Variants in NUP88 observed in about 807,000 individuals in gnomAD.
NUP88 encodes nucleoporin 88.
Under a neutral mutation model 93.9 loss-of-function variants are expected in NUP88, and 57 were observed. The observed-to-expected ratio is 0.61, with a 90% CI of 0.49 to 0.76. NUP88 has a LOEUF of 0.76. Ranked by LOEUF, NUP88 falls within the 30% of genes least tolerant of loss-of-function variation. NUP88 has a pLI of 0.00. For missense variants in NUP88, 911 were observed against 901.0 expected (o/e 1.01, Z -0.14); for synonymous variants, 346 against 336.8 (o/e 1.03, Z -0.30).
At position 5,387,091 on chromosome 17, in the gene NUP88, T is replaced by C. The variant is rs577225211; in HGVS notation, c.1936A>G (p.Ser646Gly). 15 of 1,613,766 alleles carry C rather than the reference T, an allele frequency of 9.3e-6. 1 individual carries two copies. Among genetic ancestry groups the C allele is most frequent in the Middle Eastern group, 3.3e-4 (2 of 6,060 alleles). The change falls in exon 15 of 17, where the codon AGT (serine) becomes GGT (glycine). Residue 646 changes from serine to glycine, a missense_variant. Physicochemically the swap from Ser to Gly is moderately conservative, Grantham distance 56 (BLOSUM62 0). Transcript: ENST00000573584. ...AGAACTGGGAGCTCAGAGTGAAAACTGTGAAGTAGTTTTTTCATCCTTTAG... is the reference window on the plus strand; with the variant it reads ...AGAACTGGGAGCTCAGAGTGAAAACCGTGAAGTAGTTTTTTCATCCTTTAG... The part of the protein sequence containing the change: ...IMNRMKKLLH[S>G]FHSELPVLSD...
At chr17:5,417,066 C>T (rs1040928959) in intron 1 of NUP88, among the ~76,000 whole-genome samples, 6 of 152,110 alleles carry the variant, frequency 3.9e-5, no homozygotes, top group African/African-American at 1.4e-4. Flanking sequence ...CCCGTGCTCA[C>T]AAGATCCACC....
In NUP88 at chr17:5,388,844, C is replaced by T; in HGVS notation, c.1601G>A (p.Arg534Lys). 2 of 1,614,066 alleles carry T rather than the reference C, an allele frequency of 1.2e-6. No individual in the cohort carries two copies. The highest frequency in any genetic ancestry group is 1.7e-6 in the Non-Finnish European group (2 of 1,179,984). Residue 534 changes from arginine (R) to lysine (K), a missense_variant, in exon 11 of 17, where the codon AGA (arginine) becomes AAA (lysine). Arg to Lys is a conservative substitution (Grantham distance 26, BLOSUM62 2). Coordinates refer to ENST00000573584, the MANE Select transcript of NUP88 (RefSeq NM_002532.6). ...GGCAACACTACGTTGCAAAATGCTTCTAATATGCTTTTCAAAGGAATCTGG... is the reference window on the plus strand; with the variant it reads ...GGCAACACTACGTTGCAAAATGCTTTTAATATGCTTTTCAAAGGAATCTGG... ...ETPDSFEKHI[R>K]SILQRSVANP...
At position 5,388,912 on chromosome 17, in the gene NUP88, ATCT is replaced by A. The variant is rs757638590; in HGVS notation, c.1530_1532del (p.Glu510del). The A allele has an allele frequency of 3.1e-6, 5 of 1,613,842 alleles. No homozygotes were observed. The highest frequency in any genetic ancestry group is 1.7e-5 in the Admixed American group (1 of 59,950). On this transcript the variant is annotated inframe_deletion, in exon 11 of 17. Coordinates refer to ENST00000573584, the MANE Select transcript of NUP88 (RefSeq NM_002532.6). ...GGAGGGGAGACTCTGCCACTTCAACATCTTCTCGAGTACAAAGCAGGGGAGGAG... is the reference window on the plus strand; with the variant it reads ...GGAGGGGAGACTCTGCCACTTCAACATCTCGAGTACAAAGCAGGGGAGGAG...
rs144295346 is a variant in NUP88 at position 5,404,147 on chromosome 17, C to T, written c.1144G>A (p.Asp382Asn). Residue 382 changes from aspartate (D) to asparagine (N), a missense_variant, in exon 7 of 17, where the codon GAT (aspartate) becomes AAT (asparagine). Physicochemically the swap from Asp to Asn is conservative, Grantham distance 23 (BLOSUM62 1). Transcript: ENST00000573584. ...ELALKLASGE[D>N]DPFDSDFSCP... ...GAAAAGTCAGAATCAAAAGGGTCAT[C>T]CTCTCCAGATGCCAGTTTCAAAGCA... 19 of 1,614,090 alleles carry T rather than the reference C, an allele frequency of 1.2e-5. No individual in the cohort carries two copies. The highest frequency in any genetic ancestry group is 1.6e-4 in the Middle Eastern group (1 of 6,062).
At position 5,419,518 on chromosome 17, in the gene NUP88, A is replaced by G. The variant is rs1914467981; in HGVS notation, c.133T>C (p.Ser45Pro). ...SPTEAEKPASSSLPSSPPPQL... is the reference protein window; with the variant it reads ...SPTEAEKPASPSLPSSPPPQL... ...GGCGGCGGCGACGAAGGCAACGACG[A>G]AGAAGCTGGTTTCTCAGCTTCGGTT... The change falls in exon 1 of 17, where the codon TCG becomes CCG. Residue 45 changes from serine (S) to proline (P), a missense_variant. Physicochemically the swap from Ser to Pro is moderately conservative, Grantham distance 74 (BLOSUM62 -1). Coordinates refer to ENST00000573584, the MANE Select transcript of NUP88 (RefSeq NM_002532.6). 1 of 1,613,866 alleles carries G rather than the reference A, an allele frequency of 6.2e-7. No homozygotes were observed. The highest frequency in any genetic ancestry group is 1.7e-5 in the Admixed American group (1 of 60,012).
Position 5,393,973 on chromosome 17 carries a change from C to T in NUP88, c.1382+918G>A, listed in dbSNP as rs116775927. Among the ~76,000 whole-genome samples the T allele has an allele frequency of 6.3e-3, 952 of 152,226 alleles. 7 individuals carry two copies. Among genetic ancestry groups the T allele is most frequent in the African/African-American group, 0.022 (895 of 41,542 alleles). On this transcript the variant is annotated intron_variant, in intron 9 of 16. Transcript: ENST00000573584. ...CCTTCCAGGTTTCTACTGGGGATAA[C>T]TGGGGTGATATGGCACCCTTCAGAA... is the stretch of plus-strand genomic sequence containing the variant.
chr17:5,391,657 G>A lies in NUP88; in HGVS notation c.1388C>T (p.Pro463Leu). Residue 463 changes from proline to leucine, a missense_variant, in exon 10 of 17, where the codon CCA becomes CTA. Physicochemically the swap from Pro to Leu is moderately conservative, Grantham distance 98. Coordinates refer to ENST00000573584, the MANE Select transcript of NUP88 (RefSeq NM_002532.6). The stretch of plus-strand genomic sequence containing the variant: ...AATCCAAAATCCTCGAATTGGAGCT[G>A]GCTGCCTGGAAAAACACAGTCATAG... ...LCTKPLPCRQPAPIRGFWIVP... is the reference protein window; with the variant it reads ...LCTKPLPCRQLAPIRGFWIVP... The A allele has an allele frequency of 6.2e-7, 1 of 1,613,166 alleles. No individual in the cohort carries two copies. The highest frequency in any genetic ancestry group is 8.5e-7 in the Non-Finnish European group (1 of 1,179,258).
chr17:5,403,692 GGTCT>G (rs2151641996), intron 7 of NUP88, among the ~76,000 whole-genome samples: 2 of 147,804 alleles, frequency 1.4e-5, no homozygotes, highest in Admixed American at 1.3e-4. Flanking sequence ...AAATCCATTT[GGTCT>G]GTCGATGGAC....
At chr17:5,408,378 G>C (rs915986285) in intron 5 of NUP88, among the ~76,000 whole-genome samples, 2 of 152,146 alleles carry the variant, frequency 1.3e-5, no homozygotes, top group African/African-American at 2.4e-5. Flanking sequence ...TCATGTGTAT[G>C]TATCTTTCTC....
rs1806268 is a variant in NUP88 at position 5,419,458 on chromosome 17, C to T, written c.193G>A (p.Gly65Ser). The T allele has an allele frequency of 7.4e-6, 12 of 1,613,906 alleles. No homozygotes were observed. Among genetic ancestry groups the T allele is most frequent in the Admixed American group, 1.7e-5 (1 of 60,006 alleles). Residue 65 changes from glycine (G) to serine (S), a missense_variant, in exon 1 of 17, where the codon GGC becomes AGC. Physicochemically the swap from Gly to Ser is moderately conservative, Grantham distance 56. Transcript: ENST00000573584. ...CCGTCCCACAGGAAAAGCTCTCCGC[C>T]GAGGCCAAAGACCACGTTTCTCGTC... Reference protein sequence around the residue: ...LLTRNVVFGLGGELFLWDGED... With the variant: ...LLTRNVVFGLSGELFLWDGED...
intron 8 of NUP88, among the ~76,000 whole-genome samples, chr17:5,398,234 G>A (rs915413156): frequency 6.6e-6 from 1 of 151,530 alleles, no homozygotes; most frequent in African/African-American, 2.4e-5. Flanking sequence ...AATCCATGTG[G>A]TCCTCAGCTT....
intron 8 of NUP88, among the ~76,000 whole-genome samples, chr17:5,396,706 A>G (rs1217276868): frequency 6.6e-6 from 1 of 152,230 alleles, no homozygotes; most frequent in East Asian, 1.9e-4. Flanking sequence ...AGGAACTGCC[A>G]GATTGTTTTC....
At chr17:5,406,902 T>A (rs2151643685) in intron 5 of NUP88, among the ~76,000 whole-genome samples, 1 of 152,210 alleles carries the variant, frequency 6.6e-6, no homozygotes, top group East Asian at 1.9e-4. Context: ...GGTGTATACT[T>A]TCGAAAAATT....
At chr17:5,408,417 TACC>T (rs1185993696) in intron 5 of NUP88, among the ~76,000 whole-genome samples, 1 of 152,220 alleles carries the variant, frequency 6.6e-6, no homozygotes, top group Admixed American at 6.5e-5. Flanking sequence ...GATACCAGAT[TACC>T]ACGCCTACGT....
intron 6 of NUP88, among the ~76,000 whole-genome samples, chr17:5,404,639 T>TA (rs1567573050): frequency 6.6e-6 from 1 of 151,680 alleles, no homozygotes; most frequent in African/African-American, 2.4e-5. Flanking sequence ...AAAAAATAAA[T>TA]AAAAAAATTG....
At position 5,405,194 on chromosome 17, in the gene NUP88, C is replaced by A. The variant is rs1597325607; in HGVS notation, c.907G>T (p.Ala303Ser). 1 of 1,614,022 alleles carries A rather than the reference C, an allele frequency of 6.2e-7. No homozygotes were observed. The highest frequency in any genetic ancestry group is 1.3e-5 in the African/African-American group (1 of 74,932). The change falls in exon 6 of 17, where the codon GCT becomes TCT. Residue 303 changes from alanine to serine, a missense_variant. Ala to Ser is a moderately conservative substitution (Grantham distance 99). Coordinates refer to ENST00000573584, the MANE Select transcript of NUP88 (RefSeq NM_002532.6). ...LLGPLPMHPA[A>S]EDNYGYDACA... ...GCATCATAACCATAGTTATCTTCAG[C>A]CGCAGGATGCATGGGCAATGGACCC... is the stretch of plus-strand genomic sequence containing the variant.
chr17:5,418,529 G>A (rs1357798844), intron 1 of NUP88, among the ~76,000 whole-genome samples: 3 of 152,220 alleles, frequency 2.0e-5, no homozygotes, highest in African/African-American at 4.8e-5. Flanking sequence ...TGGGACTGCA[G>A]GCGTGAGCCA....
At chr17:5,394,398 A>G (rs1228044914) in intron 9 of NUP88, among the ~76,000 whole-genome samples, 5 of 152,230 alleles carry the variant, frequency 3.3e-5, no homozygotes, top group Non-Finnish European at 4.4e-5. Flanking sequence ...AAGAGGAGAC[A>G]TGGGCAACCA....
At chr17:5,412,707 A>G (rs916420050) in intron 3 of NUP88, among the ~76,000 whole-genome samples, 3 of 151,706 alleles carry the variant, frequency 2.0e-5, no homozygotes, top group African/African-American at 7.3e-5. Context: ...AGACTACCAC[A>G]TCAACAGAGT....
Sources: allele counts gnomAD v4.1 joint callset (sites outside exome capture counted in the v4.1 genomes callset), GRCh38; gene constraint gnomAD v4.1.1; transcripts MANE v1.5; gene names NCBI Gene and HGNC (gene_info 2026-07-23, HGNC 2026-07-21).